PCK2: variants seen among roughly 807,000 people sequenced by gnomAD.
The protein encoded by PCK2 is phosphoenolpyruvate carboxykinase [GTP], mitochondrial.
PCK2 carries 56 observed loss-of-function variants against 65.9 expected under a neutral mutation model. The ratio of observed to expected loss-of-function variants is 0.85; its 90% confidence interval spans 0.69 to 1.06. The LOEUF (loss-of-function observed/expected upper bound fraction) is 1.06. Ranked by LOEUF, PCK2 falls within the 50% of genes least tolerant of loss-of-function variation. The probability of loss-of-function intolerance (pLI) is 0.00; values close to 1 mark genes in which losing one functional copy is unlikely to be tolerated. For missense variants in PCK2, 843 were observed against 863.1 expected (o/e 0.98, Z 0.29); for synonymous variants, 305 against 319.6 (o/e 0.95, Z 0.49).
At chr14:24,101,750 C>T (rs1300820472) in intron 7 of PCK2, among the ~76,000 whole-genome samples, 1 of 152,066 alleles carries the variant, frequency 6.6e-6, no homozygotes, top group Non-Finnish European at 1.5e-5. Flanking sequence ...GGCAAAACCC[C>T]GTCTCCAATA....
chr14:24,103,519 T>TCATG lies in PCK2; in HGVS notation c.1481_1484dup (p.Asp496AlafsTer44), dbSNP rs1374331026. 6.5e-7 allele frequency: 1 copy of TCATG among 1,547,508 alleles called. No homozygotes were observed. The highest frequency in any genetic ancestry group is 1.4e-5 in the African/African-American group (1 of 72,998). ...CTTGCTTCCCCCCCAGGGAAGATCATCATGCACGACCCATTTGCCATGCGG... is the reference window on the plus strand; with the variant it reads ...CTTGCTTCCCCCCCAGGGAAGATCATCATGCATGCACGACCCATTTGCCATGCGG... On this transcript the variant is annotated frameshift_variant, in exon 10 of 10. Transcript: ENST00000216780. LOFTEE classifies it high-confidence loss of function.
chr14:24,100,036 G>A lies in PCK2; in HGVS notation c.1057G>A (p.Val353Ile). Residue 353 changes from valine (V) to isoleucine (I), a missense_variant, in exon 7 of 10, where the codon GTT becomes ATT. Val to Ile is a conservative substitution (Grantham distance 29). Transcript: ENST00000216780. ...CAACCCTGAGAACGGCTTCTTTGGG[G>A]TTGCCCCTGGTACCTCTGCCACCAC... ...AINPENGFFGVAPGTSATTNP... is the reference protein window; with the variant it reads ...AINPENGFFGIAPGTSATTNP... 6.2e-7 allele frequency: 1 copy of A among 1,613,946 alleles called. No individual in the cohort carries two copies. The highest frequency in any genetic ancestry group is 8.5e-7 in the Non-Finnish European group (1 of 1,179,924).
chr14:24,101,221 T>C (rs2037148627), intron 7 of PCK2, among the ~76,000 whole-genome samples: 2 of 152,234 alleles, frequency 1.3e-5, no homozygotes, highest in African/African-American at 4.8e-5. Flanking sequence ...TTTGGGGGCA[T>C]AACTAGGGCA....
At position 24,097,031 on chromosome 14, in the gene PCK2, C is replaced by T; in HGVS notation, c.169C>T (p.Pro57Ser). 1 of 1,613,724 alleles carries T rather than the reference C, an allele frequency of 6.2e-7. No individual in the cohort carries two copies. The highest frequency in any genetic ancestry group is 8.5e-7 in the Non-Finnish European group (1 of 1,179,866). Reference protein sequence around the residue: ...FVEHSARLCQPEGIHICDGTE... With the variant: ...FVEHSARLCQSEGIHICDGTE... ...AGAGCACAGTGCCCGCCTGTGCCAA[C>T]CAGAGGGCATCCACATCTGTGATGG... The change falls in exon 2 of 10, where the codon CCA becomes TCA. Residue 57 changes from proline to serine, a missense_variant. Transcript: ENST00000216780.
Position 24,094,718 on chromosome 14 carries a change from C to T in PCK2, c.29+284C>T. 6.7e-7 allele frequency: 1 copy of T among 1,501,456 alleles called. No homozygotes were observed. The highest frequency in any genetic ancestry group is 2.6e-5 in the East Asian group (1 of 37,980). 93.0% of individuals were successfully genotyped at this position (1,501,456 alleles called of 1,614,324 possible). A position where few individuals can be genotyped will look rare whatever the true frequency, so the allele number is the denominator to read the frequency against. ...TCTCAGAACTTCCTCTCTCTCCTCGCTCCTCTCTGCTGAGCCAGGTCTCCG... is the reference window on the plus strand; with the variant it reads ...TCTCAGAACTTCCTCTCTCTCCTCGTTCCTCTCTGCTGAGCCAGGTCTCCG... On this transcript the variant is annotated intron_variant, in intron 1 of 9. Coordinates refer to ENST00000216780, the MANE Select transcript of PCK2 (RefSeq NM_004563.4). This position sits in a 1 kb window ranked among gnomAD's most constrained non-coding sequence, Gnocchi z 4.1.
intron 7 of PCK2, among the ~76,000 whole-genome samples, chr14:24,102,382 C>A (rs2037196914): frequency 6.6e-6 from 1 of 152,166 alleles, no homozygotes; most frequent in Non-Finnish European, 1.5e-5. Context: ...AAATAATAAT[C>A]TCACAAATAA....
Position 24,098,660 on chromosome 14 carries a change from C to CAAGGTA in PCK2, c.647_648insAGGTAA (p.Gln216_Pro217insGlyLys). 1.2e-6 allele frequency: 2 copies of CAAGGTA among 1,613,794 alleles called. No homozygotes were observed. Among genetic ancestry groups the CAAGGTA allele is most frequent in the Non-Finnish European group, 1.7e-6 (2 of 1,179,944 alleles). On this transcript the variant is annotated inframe_insertion, in exon 4 of 10. Transcript: ENST00000216780. ...TGTCAAGTGTCTGCACTCCGTGGGC[C>CAAGGTA]AGCCCCTGACAGGACAAGGTAAGCA... is the stretch of plus-strand genomic sequence containing the variant.
Position 24,098,228 on chromosome 14 carries a change from G to A in PCK2, c.301G>A (p.Asp101Asn). Residue 101 changes from aspartate (D) to asparagine (N), a missense_variant, in exon 3 of 10, where the codon GAT (aspartate) becomes AAT (asparagine). Transcript: ENST00000216780. Reference protein sequence around the residue: ...NCWLARTDPKDVARVESKTVI... With the variant: ...NCWLARTDPKNVARVESKTVI... ...CTGGCTGGCCCGCACAGACCCCAAG[G>A]ATGTGGCACGAGTAGAGAGCAAGAC... 1 of 1,612,986 alleles carries A rather than the reference G, an allele frequency of 6.2e-7. No individual in the cohort carries two copies. Among genetic ancestry groups the A allele is most frequent in the Non-Finnish European group, 8.5e-7 (1 of 1,179,280 alleles).
In PCK2 at chr14:24,099,625, G is replaced by C. The variant is rs1461038183; in HGVS notation, c.920G>C (p.Gly307Ala). 1 of 1,613,938 alleles carries C rather than the reference G, an allele frequency of 6.2e-7. No homozygotes were observed. Among genetic ancestry groups the C allele is most frequent in the Admixed American group, 1.7e-5 (1 of 60,012 alleles). Residue 307 changes from glycine (G) to alanine (A), a missense_variant, in exon 6 of 10, where the codon GGC becomes GCC. Physicochemically the swap from Gly to Ala is moderately conservative, Grantham distance 60 (BLOSUM62 0). Transcript: ENST00000216780. ...GCAGCCGCCTTCCCTAGTGCCTGTG[G>C]CAAGACCAACCTGGCTATGATGCGG... ...YVAAAFPSAC[G>A]KTNLAMMRPA...
chr14:24,099,125 C>A lies in PCK2; in HGVS notation c.741C>A (p.Ile247=). The A allele has an allele frequency of 1.2e-6, 2 of 1,612,198 alleles. No individual in the cohort carries two copies. The highest frequency in any genetic ancestry group is 1.7e-6 in the Non-Finnish European group (2 of 1,179,428). The change falls in exon 5 of 10, where the codon ATC becomes ATA. Residue 247 remains isoleucine, a synonymous_variant. Coordinates refer to ENST00000216780, the MANE Select transcript of PCK2 (RefSeq NM_004563.4). ...ACGTGCCCGACCAGCGGGAGATCAT[C>A]TCCTTCGGCAGCGGCTATGGTGGCA... The part of the protein sequence containing the change: ...IGHVPDQREI[I]SFGSGYGGNS...
At chr14:24,098,924 T>C in intron 4 of PCK2, 125 bp from the exon 5 acceptor site, 1 of 792,332 alleles carries the variant, frequency 1.3e-6, no homozygotes, top group Non-Finnish European at 2.1e-6. Flanking sequence ...GGTGGGGGGC[T>C]TCAGCCACCT....
At position 24,103,751 on chromosome 14, in the gene PCK2, G is replaced by A. The variant is rs146309348; in HGVS notation, c.1710G>A (p.Glu570=). 1.9e-6 allele frequency: 3 copies of A among 1,614,212 alleles called. No homozygotes were observed. The highest frequency in any genetic ancestry group is 1.3e-5 in the African/African-American group (1 of 75,058). Residue 570 remains glutamate (E), a synonymous_variant, in exon 10 of 10, where the codon GAG becomes GAA. Coordinates refer to ENST00000216780, the MANE Select transcript of PCK2 (RefSeq NM_004563.4). ...TAGAGGGGGAGGACAGTGCCCGAGA[G>A]ACACCCATTGGGCTGGTGCCAAAGG... ...RRLEGEDSAR[E]TPIGLVPKEG...
At chr14:24,103,292 G>A (rs767928211) in intron 9 of PCK2, 37 bp downstream of exon 9, 2 of 1,487,064 alleles carry the variant, frequency 1.3e-6, no homozygotes, top group Admixed American at 1.7e-5. Context: ...TCCTGTGTGT[G>A]CACACAGCAC....
Position 24,099,050 on chromosome 14 carries a change from G to A in PCK2, c.666G>A (p.Gly222=), listed in dbSNP as rs1280198158. The A allele has an allele frequency of 1.3e-6, 2 of 1,599,016 alleles. No individual in the cohort carries two copies. Among genetic ancestry groups the A allele is most frequent in the Non-Finnish European group, 1.7e-6 (2 of 1,168,834 alleles). The change falls in exon 5 of 10, where the codon GGG becomes GGA. Residue 222 remains glycine, a splice_region_variant and synonymous_variant. Transcript: ENST00000216780. The part of the protein sequence containing the change: ...HSVGQPLTGQ[G]EPVSQWPCNP... The stretch of plus-strand genomic sequence containing the variant: ...GCCCCATGACCCCATTGTCCCCAGG[G>A]GAGCCAGTGAGCCAGTGGCCGTGCA...
chr14:24,100,653 G>A, intron 7 of PCK2: 1 of 904,148 alleles, frequency 1.1e-6, no homozygotes, highest in Non-Finnish European at 1.3e-6. Context: ...TATCCATAAA[G>A]TTTGGCCCAT....
chr14:24,099,170 G>A lies in PCK2; in HGVS notation c.786G>A (p.Lys262=), dbSNP rs771606088. 1 of 1,610,006 alleles carries A rather than the reference G, an allele frequency of 6.2e-7. No homozygotes were observed. The highest frequency in any genetic ancestry group is 1.3e-5 in the African/African-American group (1 of 74,954). The change falls in exon 5 of 10, where the codon AAG becomes AAA. Residue 262 remains lysine, a synonymous_variant. Transcript: ENST00000216780. ...GTGGCAACTCCCTGCTGGGCAAGAA[G>A]TGCTTTGCCCTACGCATCGCCTCTC... ...GYGGNSLLGK[K]CFALRIASRL...
In PCK2 at chr14:24,094,622, C is replaced by A; in HGVS notation, c.29+188C>A. On this transcript the variant is annotated intron_variant, in intron 1 of 9. Transcript: ENST00000216780. This position sits in a 1 kb window ranked among gnomAD's most constrained non-coding sequence, Gnocchi z 4.1. Reference sequence around the variant, plus strand: ...CTCTTGGGAGGGCAGCCGGCCGGTGCTCCTCGTTTCCGCCTGCACCTCCCC... The same window carrying A: ...CTCTTGGGAGGGCAGCCGGCCGGTGATCCTCGTTTCCGCCTGCACCTCCCC... 6.8e-7 allele frequency: 1 copy of A among 1,470,098 alleles called. No homozygotes were observed. Among genetic ancestry groups the A allele is most frequent in the African/African-American group, 1.4e-5 (1 of 71,428 alleles). The allele number at this position is 1,470,098 out of a possible 1,614,324, so 91.1% of individuals were successfully genotyped here.
rs147393069 is a variant in PCK2 at position 24,103,634 on chromosome 14, T to C, written c.1593T>C (p.His531=). Residue 531 remains histidine, a synonymous_variant, in exon 10 of 10, where the codon CAT becomes CAC. Transcript: ENST00000216780. ...RKGAQLPRIF[H]VNWFRRDEAG... is the part of the protein sequence containing the mutation. ...GGGCCCAGCTGCCCCGTATCTTCCA[T>C]GTCAACTGGTTCCGGCGTGACGAGG... 18 of 1,613,998 alleles carry C rather than the reference T, an allele frequency of 1.1e-5. No homozygotes were observed. The Admixed American group carries it at 1.8e-4, about 16-fold the overall frequency.
chr14:24,095,348 G>C lies in PCK2; in HGVS notation c.29+914G>C, dbSNP rs1005714685. The C allele has an allele frequency of 9.8e-5, 41 of 416,262 alleles. 1 individual carries two copies. The highest frequency in any genetic ancestry group is 7.3e-4 in the African/African-American group (36 of 49,052). The allele number at this position is 416,262 out of a possible 1,614,324, so 25.8% of individuals were successfully genotyped here. On this transcript the variant is annotated intron_variant, in intron 1 of 9. Coordinates refer to ENST00000216780, the MANE Select transcript of PCK2 (RefSeq NM_004563.4). ...GTGCTTGAAAACTGATGCTCACGGAGAACTTCCCTCTGAGGCAGGAACAGA... is the reference window on the plus strand; with the variant it reads ...GTGCTTGAAAACTGATGCTCACGGACAACTTCCCTCTGAGGCAGGAACAGA...
Sources: gnomAD v4.1 joint callset for allele counts (sites outside exome capture counted in the v4.1 genomes callset) on GRCh38, gnomAD v4.1.1 for gene constraint, Gnocchi (gnomAD v3.1) non-coding constraint, MANE v1.5 for transcripts, NCBI Gene and HGNC (gene_info 2026-07-23, HGNC 2026-07-21) for gene names.